NCKAP5: variants seen among roughly 807,000 people sequenced by gnomAD.
NCKAP5 encodes NCK associated protein 5.
In NCKAP5, 92 loss-of-function variants were observed where a neutral mutation model predicts 167.0. The ratio of observed to expected loss-of-function variants is 0.55; its 90% confidence interval spans 0.47 to 0.66. The LOEUF is 0.66. Among genes scored for constraint, NCKAP5 ranks in the 30% least tolerant of loss-of-function variants. The probability of loss-of-function intolerance (pLI) is 0.00; values close to 1 mark genes in which losing one functional copy is unlikely to be tolerated. For synonymous variants in NCKAP5, 891 were observed against 877.4 expected (o/e 1.02, Z -0.27); for missense variants, 2,378 against 2,315.0 (o/e 1.03, Z -0.56).
intron 13 of NCKAP5, 74 bp from the exon 14 acceptor site, chr2:132,785,792 A>C: frequency 1.6e-6 from 2 of 1,224,132 alleles, no homozygotes; most frequent in Non-Finnish European, 2.1e-6. Flanking sequence ...AAAGTACATC[A>C]TGGGACTTAA....
intron 4 of NCKAP5, among the ~76,000 whole-genome samples, chr2:133,302,752 G>T (rs1356786322): frequency 2.2e-4 from 32 of 147,514 alleles, no homozygotes; most frequent in South Asian, 6.5e-4. Flanking sequence ...TGCACAATGT[G>T]CACATGTACC....
At chr2:132,726,643 G>T (rs1690483680) in intron 18 of NCKAP5, among the ~76,000 whole-genome samples, 1 of 152,196 alleles carries the variant, frequency 6.6e-6, no homozygotes, top group South Asian at 2.1e-4. Context: ...GTTTAGAAGG[G>T]TGTCATTTGG....
intron 11 of NCKAP5, among the ~76,000 whole-genome samples, chr2:132,800,865 G>T (rs1194682126): frequency 6.6e-6 from 1 of 152,086 alleles, no homozygotes; most frequent in Non-Finnish European, 1.5e-5. Context: ...CCATGAAAAT[G>T]CAGGTCAATC....
chr2:133,124,961 G>A (rs371776238), intron 6 of NCKAP5, among the ~76,000 whole-genome samples: 2 of 152,242 alleles, frequency 1.3e-5, no homozygotes, highest in African/African-American at 4.8e-5. Context: ...TGTGAGGATG[G>A]TTTGAGCCCA....
chr2:133,519,665 AG>A (rs35965189), intron 2 of NCKAP5, among the ~76,000 whole-genome samples: 1 of 152,222 alleles, frequency 6.6e-6, no homozygotes, highest in Non-Finnish European at 1.5e-5. Flanking sequence ...TTTGGCCTTT[AG>A]CACATATGCA....
At chr2:133,611,356 G>A in the NCKAP5 span, among the ~76,000 whole-genome samples, 114 of 152,152 alleles carry the variant, frequency 7.5e-4, no homozygotes, top group African/African-American at 2.6e-3. Flanking sequence ...GTCCTCCACG[G>A]TGATACCCAG....
chr2:132,863,252 G>A (rs1690075173), intron 10 of NCKAP5, among the ~76,000 whole-genome samples: 1 of 152,068 alleles, frequency 6.6e-6, no homozygotes, highest in South Asian at 2.1e-4. Context: ...TAGTTAATAA[G>A]ACTTGACTGT....
intron 3 of NCKAP5, among the ~76,000 whole-genome samples, chr2:133,366,020 G>T (rs1042784414): frequency 2.0e-5 from 3 of 152,122 alleles, no homozygotes; most frequent in African/African-American, 7.2e-5. Flanking sequence ...AGACACTTTT[G>T]TAAAAGCACA....
Position 132,781,954 on chromosome 2 carries a change from C to T in NCKAP5, c.4857G>A (p.Thr1619=), listed in dbSNP as rs367995102. 32 of 1,611,558 alleles carry T rather than the reference C, an allele frequency of 2.0e-5. No homozygotes were observed. Among genetic ancestry groups the T allele is most frequent in the South Asian group, 1.3e-4 (12 of 90,702 alleles). The change falls in exon 14 of 20, where the codon ACG becomes ACA. Residue 1619 remains threonine (T), a synonymous_variant. Coordinates refer to ENST00000409261, the MANE Select transcript of NCKAP5 (RefSeq NM_207363.3). ...VACSTKDTFM[T]ELLNRVDKKA... Reference sequence around the variant, plus strand: ...CAGTGAGTTACCTGTTCAAGAGTTCCGTCATGAAGGTGTCTTTCGTTGAAC... The same window carrying T: ...CAGTGAGTTACCTGTTCAAGAGTTCTGTCATGAAGGTGTCTTTCGTTGAAC...
At chr2:133,500,527 C>A (rs1050115770) in intron 3 of NCKAP5, among the ~76,000 whole-genome samples, 2 of 152,176 alleles carry the variant, frequency 1.3e-5, no homozygotes, top group African/African-American at 4.8e-5. Flanking sequence ...AAAATTACAA[C>A]TGTAATGACC....
intron 4 of NCKAP5, among the ~76,000 whole-genome samples, chr2:133,256,214 A>C (rs568062401): frequency 2.0e-5 from 3 of 152,202 alleles, no homozygotes; most frequent in Non-Finnish European, 4.4e-5. Flanking sequence ...TATTTATGTG[A>C]TATATTCTCA....
intron 11 of NCKAP5, among the ~76,000 whole-genome samples, chr2:132,825,745 A>G (rs1249724073): frequency 3.3e-5 from 5 of 152,260 alleles, no homozygotes; most frequent in Admixed American, 3.3e-4. Context: ...GGAGCTAGCC[A>G]TATGGATTTA....
At chr2:133,420,088 G>A (rs1689377662) in intron 3 of NCKAP5, among the ~76,000 whole-genome samples, 1 of 152,134 alleles carries the variant, frequency 6.6e-6, no homozygotes, top group South Asian at 2.1e-4. Flanking sequence ...TATCTTTTAG[G>A]GAAGATGGGG....
chr2:133,000,674 C>A (rs1418438002), intron 6 of NCKAP5, among the ~76,000 whole-genome samples: 2 of 152,128 alleles, frequency 1.3e-5, no homozygotes, highest in African/African-American at 4.8e-5. Flanking sequence ...TAGTTTAAAT[C>A]CTAACCCTAG....
At chr2:132,995,647 A>AAAAC (rs71398579) in intron 6 of NCKAP5, among the ~76,000 whole-genome samples, 2,619 of 143,976 alleles carry the variant, frequency 0.018, 64 homozygotes, top group African/African-American at 0.056. Context: ...ACTCTATCTG[A>AAAAC]AAACAAACAA....
At chr2:133,615,455 A>T in the NCKAP5 span, among the ~76,000 whole-genome samples, 1 of 152,194 alleles carries the variant, frequency 6.6e-6, no homozygotes, top group South Asian at 2.1e-4. Context: ...ATGGAGAAAG[A>T]TCTACCAAGC....
intron 7 of NCKAP5, among the ~76,000 whole-genome samples, chr2:132,987,684 TAGAG>T (rs1408379063): frequency 6.6e-6 from 1 of 151,994 alleles, no homozygotes; most frequent in Non-Finnish European, 1.5e-5. Context: ...GATAAAGAGG[TAGAG>T]AGAACCAAAA....
chr2:132,682,949 A>T (rs927157362), intron 19 of NCKAP5, among the ~76,000 whole-genome samples: 3 of 149,702 alleles, frequency 2.0e-5, no homozygotes, highest in African/African-American at 7.4e-5. Flanking sequence ...CAGTGATGCG[A>T]TCTCGGCTCA....
intron 7 of NCKAP5, among the ~76,000 whole-genome samples, chr2:132,982,444 C>T (rs2149271320): frequency 6.6e-6 from 1 of 152,318 alleles, no homozygotes; most frequent in African/African-American, 2.4e-5. Flanking sequence ...CCAACCAGCA[C>T]CTCTTATACA....
Sources: gnomAD v4.1 joint callset for allele counts (sites outside exome capture counted in the v4.1 genomes callset) on GRCh38, gnomAD v4.1.1 for gene constraint, MANE v1.5 for transcripts, NCBI Gene and HGNC (gene_info 2026-07-23, HGNC 2026-07-21) for gene names.